ISM2: variants seen among roughly 807,000 people sequenced by gnomAD.
The protein encoded by ISM2 is isthmin 2.
A neutral mutation model predicts 58.0 loss-of-function variants in ISM2; 50 were observed. That is an observed-to-expected ratio of 0.86 (90% CI 0.69 to 1.09). The LOEUF (loss-of-function observed/expected upper bound fraction) is 1.09. ISM2 is among the 50% of genes least tolerant of loss of function. The pLI is 0.00. For synonymous variants in ISM2, 303 were observed against 312.4 expected, an observed-to-expected ratio of 0.97 and a Z score of 0.32; for missense variants, 723 against 745.0, an observed-to-expected ratio of 0.97 and a Z score of 0.34.
Position 77,476,127 on chromosome 14 carries a change from A to G in ISM2, c.1199-15T>C. 6.6e-7 allele frequency: 1 copy of G among 1,509,858 alleles called. No homozygotes were observed. 93.5% of individuals were successfully genotyped at this position (1,509,858 alleles called of 1,614,324 possible). ...GCTGTCCACATCTGCAAAGGGCCAC[A>G]AAGTGCAGGAGGGAAGCCAGTGACA... On this transcript the variant is annotated splice_polypyrimidine_tract_variant and intron_variant, in intron 6 of 6. Coordinates refer to ENST00000342219, the MANE Select transcript of ISM2 (RefSeq NM_199296.3).
At chr14:77,484,253 T>C in intron 3 of ISM2, 70 bp downstream of exon 3, 1 of 1,564,140 alleles carries the variant, frequency 6.4e-7, no homozygotes. Context: ...TAGGGTATCC[T>C]GAGCCCACCT....
chr14:77,496,687 C>T (rs747118481), intron 1 of ISM2, among the ~76,000 whole-genome samples: 3 of 151,272 alleles, frequency 2.0e-5, no homozygotes, highest in Non-Finnish European at 4.4e-5. Flanking sequence ...ATCCCAGCTA[C>T]TGGGGAGGCT....
At chr14:77,479,280 C>T (rs371151777) in intron 4 of ISM2, among the ~76,000 whole-genome samples, 2 of 152,012 alleles carry the variant, frequency 1.3e-5, no homozygotes, top group African/African-American at 2.4e-5. Flanking sequence ...AGTGCAGTGG[C>T]GTGATTTCGG....
In ISM2 at chr14:77,475,461, C is replaced by A. The variant is rs1750292046; in HGVS notation, c.*134G>T. 3 of 913,404 alleles carry A rather than the reference C, an allele frequency of 3.3e-6. No individual in the cohort carries two copies. The highest frequency in any genetic ancestry group is 3.7e-5 in the South Asian group (2 of 54,530). 56.6% of individuals were successfully genotyped at this position (913,404 alleles called of 1,614,324 possible). On this transcript the variant is annotated 3_prime_UTR_variant, in exon 7 of 7. Coordinates refer to ENST00000342219, the MANE Select transcript of ISM2 (RefSeq NM_199296.3). The surrounding 1 kb of genome is among the most constrained non-coding windows in gnomAD (Gnocchi z 4.1). ...TTCGGGGTCGCTGGCAGAGGGCACA[C>A]AGCCTCGGACCAACCTCACTGGGGG...
chr14:77,498,259 C>T (rs548402978), intron 1 of ISM2: 2 of 1,306,758 alleles, frequency 1.5e-6, no homozygotes, highest in Middle Eastern at 2.1e-4. Context: ...TGGCCCGCCA[C>T]TCCGCAAAGC....
chr14:77,484,357 T>C lies in ISM2; in HGVS notation c.593A>G (p.His198Arg), dbSNP rs1407815943. 4 of 1,612,082 alleles carry C rather than the reference T, an allele frequency of 2.5e-6. No homozygotes were observed. The South Asian group carries it at 3.3e-5, about 13-fold the overall frequency. Reference protein sequence around the residue: ...LELQKLPELVHATLSTPNPDN... With the variant: ...LELQKLPELVRATLSTPNPDN... Reference sequence around the variant, plus strand: ...AGGGTTAGGGGTACTCAAGGTTGCGTGGACCAATTCTGGCAGCTTCTGCAG... The same window carrying C: ...AGGGTTAGGGGTACTCAAGGTTGCGCGGACCAATTCTGGCAGCTTCTGCAG... The change falls in exon 3 of 7, where the codon CAC becomes CGC. Residue 198 changes from histidine to arginine, a missense_variant. By Grantham distance (29) the His-to-Arg change is conservative (BLOSUM62 0). Coordinates refer to ENST00000342219, the MANE Select transcript of ISM2 (RefSeq NM_199296.3).
In ISM2 at chr14:77,484,765, G is replaced by C. The variant is rs1359536889; in HGVS notation, c.296C>G (p.Thr99Ser). The change falls in exon 2 of 7, where the codon ACC becomes AGC. Residue 99 changes from threonine to serine, a missense_variant. By Grantham distance (58) the Thr-to-Ser change is moderately conservative. Transcript: ENST00000342219. ...CAGCCGCAACGGAGTAACCTCTGGG[G>C]TCCTGGGAGGGGTGGCGTTGCCTGG... The part of the protein sequence containing the change: ...MTPGNATPPR[T>S]PEVTPLRLEL... 1.2e-6 allele frequency: 2 copies of C among 1,612,178 alleles called. No individual in the cohort carries two copies. The highest frequency in any genetic ancestry group is 4.5e-5 in the East Asian group (2 of 44,788).
chr14:77,492,493 G>A (rs1488752831), intron 1 of ISM2, among the ~76,000 whole-genome samples: 3 of 147,766 alleles, frequency 2.0e-5, no homozygotes, highest in African/African-American at 7.5e-5. Flanking sequence ...TGCCTGTCCA[G>A]CACTCAACAA....
At chr14:77,484,086 C>G (rs2079150498) in intron 3 of ISM2, 6 of 480,236 alleles carry the variant, frequency 1.2e-5, no homozygotes, top group Non-Finnish European at 2.2e-5. Context: ...TTGCCATGGT[C>G]TAGAGAACAA....
At chr14:77,481,043 A>G (rs905873350) in intron 4 of ISM2, among the ~76,000 whole-genome samples, 1 of 152,118 alleles carries the variant, frequency 6.6e-6, no homozygotes. Flanking sequence ...ACGCAAAAAT[A>G]AAAATCATCA....
chr14:77,482,203 C>T, intron 4 of ISM2, 119 bp downstream of exon 4: 1 of 686,602 alleles, frequency 1.5e-6, no homozygotes, highest in Non-Finnish European at 2.5e-6. Context: ...TGAACAAGGC[C>T]TAAGCTCCTG....
chr14:77,478,307 G>A lies in ISM2; in HGVS notation c.1133C>T (p.Thr378Ile), dbSNP rs774426050. 5 of 1,614,046 alleles carry A rather than the reference G, an allele frequency of 3.1e-6. No homozygotes were observed. In the Admixed American group the frequency reaches 6.7e-5, roughly 22 times the overall value. The change falls in exon 6 of 7, where the codon ACC becomes ATC. Residue 378 changes from threonine to isoleucine, a missense_variant. Physicochemically the swap from Thr to Ile is moderately conservative, Grantham distance 89. Coordinates refer to ENST00000342219, the MANE Select transcript of ISM2 (RefSeq NM_199296.3). The part of the protein sequence containing the change: ...PSCPGTEDKD[T>I]LGLPSEEWKL... ...CCACTCCTCACTGGGGAGGCCCAAGGTGTCCTTGTCCTCAGTGCCTTTGGG... is the reference window on the plus strand; with the variant it reads ...CCACTCCTCACTGGGGAGGCCCAAGATGTCCTTGTCCTCAGTGCCTTTGGG...
chr14:77,478,391 C>A (rs747684544), intron 5 of ISM2, 66 bp from the exon 6 acceptor site: 71 of 1,463,502 alleles, frequency 4.9e-5, no homozygotes, highest in Admixed American at 2.1e-4. Context: ...GATGGGGAAA[C>A]CCCCCCACCT....
At chr14:77,477,804 G>T (rs2079107187) in intron 6 of ISM2, among the ~76,000 whole-genome samples, 1 of 152,174 alleles carries the variant, frequency 6.6e-6, no homozygotes, top group South Asian at 2.1e-4. Context: ...AGAGTGTGCA[G>T]GTGGACGCCT....
At position 77,482,569 on chromosome 14, in the gene ISM2, C is replaced by T. The variant is rs1446351041; in HGVS notation, c.726G>A (p.Leu242=). Residue 242 remains leucine (L), a synonymous_variant, in exon 4 of 7, where the codon CTG becomes CTA. Coordinates refer to ENST00000342219, the MANE Select transcript of ISM2 (RefSeq NM_199296.3). ...CCCAGAGGAAGGACCAGAGGGCGGG[C>T]AGCCAGCTAAGGGTATCCTGGGGCG... ...NPPPQDTLSW[L]PALWSFLWGD... 4 of 1,613,908 alleles carry T rather than the reference C, an allele frequency of 2.5e-6. No individual in the cohort carries two copies. The East Asian group carries it at 6.7e-5, about 27-fold the overall frequency.
intron 1 of ISM2, among the ~76,000 whole-genome samples, chr14:77,496,874 C>T (rs1386613784): frequency 2.3e-5 from 3 of 131,712 alleles, no homozygotes; most frequent in African/African-American, 8.7e-5. Flanking sequence ...ACCTAAAAGA[C>T]TCCTTAAGGG....
chr14:77,498,623 G>A, intron 1 of ISM2, 30 bp downstream of exon 1: 1 of 1,412,738 alleles, frequency 7.1e-7, no homozygotes, highest in Non-Finnish European at 9.2e-7. Context: ...CCGACAGCGC[G>A]CTCCGCAGCC....
intron 1 of ISM2, among the ~76,000 whole-genome samples, chr14:77,495,706 C>T (rs1157589382): frequency 6.6e-6 from 1 of 152,072 alleles, no homozygotes; most frequent in East Asian, 1.9e-4. Context: ...GCTAAACGTT[C>T]TATGAAGCAT....
At chr14:77,495,025 G>A (rs1026419615) in intron 1 of ISM2, among the ~76,000 whole-genome samples, 5 of 151,792 alleles carry the variant, frequency 3.3e-5, no homozygotes, top group Admixed American at 6.6e-5. Flanking sequence ...CTGAGACTAC[G>A]GGGGGCGCAC....
Sources: gnomAD v4.1 joint callset for allele counts (sites outside exome capture counted in the v4.1 genomes callset) on GRCh38, gnomAD v4.1.1 for gene constraint, Gnocchi (gnomAD v3.1) non-coding constraint, MANE v1.5 for transcripts, NCBI Gene and HGNC (gene_info 2026-07-23, HGNC 2026-07-21) for gene names.